Variants in CDC25B observed in about 807,000 individuals in gnomAD.
The protein encoded by CDC25B is M-phase inducer phosphatase 2.
CDC25B carries 33 observed loss-of-function variants against 69.8 expected under a neutral mutation model. The ratio of observed to expected loss-of-function variants is 0.47; its 90% CI spans 0.36 to 0.63. CDC25B has a LOEUF of 0.63. Among genes scored for constraint, CDC25B ranks in the 30% least tolerant of loss-of-function variants. The pLI is 0.00. For synonymous variants in CDC25B, 341 were observed against 314.6 expected (o/e 1.08, Z -0.89); for missense variants, 727 against 809.1 (o/e 0.90, Z 1.23).
intron 11 of CDC25B, 49 bp from the exon 12 acceptor site, chr20:3,802,861 T>TA: frequency 6.8e-7 from 1 of 1,463,170 alleles, no homozygotes; most frequent in Non-Finnish European, 9.6e-7. Context: ...CTCCTGGTCT[T>TA]ACCAATTTAA....
At chr20:3,802,649 C>T (rs1051131261) in intron 11 of CDC25B, 7 of 600,694 alleles carry the variant, frequency 1.2e-5, no homozygotes, top group South Asian at 2.0e-5. Flanking sequence ...GCCTCACCTT[C>T]GGGCTTGGCA....
At chr20:3,800,233 G>GAC (rs144845504) in intron 3 of CDC25B, 55 bp from the exon 4 acceptor site, 13 of 1,574,300 alleles carry the variant, frequency 8.3e-6, no homozygotes, top group East Asian at 2.2e-5. Flanking sequence ...TGGTGCTGGG[G>GAC]TGGGTGATGG....
chr20:3,804,940 T>C lies in CDC25B; in HGVS notation c.1722T>C (p.Cys574=). 1.2e-6 allele frequency: 2 copies of C among 1,613,174 alleles called. No individual in the cohort carries two copies. Among genetic ancestry groups the C allele is most frequent in the Non-Finnish European group, 1.7e-6 (2 of 1,179,998 alleles). Reference sequence around the variant, plus strand: ...GGGAGCGGAGCCGGCGGGAGCTCTGTAGCCGGCTGCAGGACCAGTGAGGGG... The same window carrying C: ...GGGAGCGGAGCCGGCGGGAGCTCTGCAGCCGGCTGCAGGACCAGTGAGGGG... ...WAGERSRREL[C]SRLQDQ The change falls in exon 16 of 16, where the codon TGT becomes TGC. Residue 574 remains cysteine, a synonymous_variant. Transcript: ENST00000245960.
chr20:3,799,513 T>TGC (rs2089189508), intron 3 of CDC25B, among the ~76,000 whole-genome samples: 1 of 113,882 alleles, frequency 8.8e-6, no homozygotes, highest in African/African-American at 3.2e-5. Flanking sequence ...TGTGTGTGTG[T>TGC]GTGTGTGTGT....
At chr20:3,797,421 T>C (rs2089098183) in intron 1 of CDC25B, among the ~76,000 whole-genome samples, 1 of 152,180 alleles carries the variant, frequency 6.6e-6, no homozygotes, top group Admixed American at 6.5e-5. Flanking sequence ...CCTAAACCAG[T>C]CAACGAAGAG....
rs148860963 is a variant in CDC25B at position 3,790,036 on chromosome 20, T to C, written c.8+2897T>C. ...GCATAGTGCCTTGCGCCTGTAGTCC[T>C]AGCTCCTAGGGAGGCTGGGGTGGGC... On this transcript the variant is annotated intron_variant, in intron 1 of 15. Coordinates refer to the CDC25B transcript ENST00000344256. Among the ~76,000 whole-genome samples the C allele has an allele frequency of 2.0e-3, 306 of 151,886 alleles. 1 individual carries two copies. The highest frequency in any genetic ancestry group is 4.9e-3 in the Admixed American group (75 of 15,266).
rs895721277 is a variant in CDC25B, at chr20:3,797,696, G to A, written c.275G>A (p.Arg92Gln). The A allele has an allele frequency of 5.6e-6, 9 of 1,613,968 alleles. No homozygotes were observed. The highest frequency in any genetic ancestry group is 2.2e-5 in the South Asian group (2 of 91,078). ...RSRLTHLSLSRRASESSLSSE... is the reference protein window; with the variant it reads ...RSRLTHLSLSQRASESSLSSE... ...CGCCTGACGCACCTATCCCTGTCTC[G>A]ACGGGCATCCGAATCCTCCCTGTCG... Residue 92 changes from arginine (R) to glutamine (Q), a missense_variant, in exon 2 of 16, where the codon CGA becomes CAA. By Grantham distance (43) the Arg-to-Gln change is conservative (BLOSUM62 1). This residue lies in a region of CDC25B where 368 missense variants were observed against 345.6 expected (regional missense o/e 1.06). Transcript: ENST00000245960.
At chr20:3,791,274 A>G (rs1373414273) in intron 1 of CDC25B, among the ~76,000 whole-genome samples, 1 of 152,194 alleles carries the variant, frequency 6.6e-6, no homozygotes, top group African/African-American at 2.4e-5. Flanking sequence ...GTCTTGAACC[A>G]AAGTTCTGGG....
At chr20:3,790,106 T>C (rs1181544479) in intron 1 of CDC25B, among the ~76,000 whole-genome samples, 1 of 151,872 alleles carries the variant, frequency 6.6e-6, no homozygotes, top group East Asian at 1.9e-4. Context: ...CAATGAACTA[T>C]GATTGCACCA....
At position 3,796,417 on chromosome 20, in the gene CDC25B, TTCC is replaced by T; in HGVS notation, c.-114_-112del. Reference sequence around the variant, plus strand: ...CCTGTGGCTCTTCCTCCCTCCCTCCTTCCCCCCCCCCCCACCCCTCGCCCGCTG... The same window carrying T: ...CCTGTGGCTCTTCCTCCCTCCCTCCTCCCCCCCCCCACCCCTCGCCCGCTG... On this transcript the variant is annotated 5_prime_UTR_variant, in exon 1 of 16. Transcript: ENST00000245960. 1 of 144,420 alleles carries T rather than the reference TTCC, an allele frequency of 6.9e-6. No homozygotes were observed. Among genetic ancestry groups the T allele is most frequent in the African/African-American group, 2.9e-4 (1 of 3,418 alleles). 8.9% of individuals were successfully genotyped at this position (144,420 alleles called of 1,614,324 possible). A position where few individuals can be genotyped will look rare whatever the true frequency, so the allele number is the denominator to read the frequency against.
chr20:3,798,376 C>A, intron 2 of CDC25B, 36 bp from the exon 3 acceptor site: 2 of 1,225,902 alleles, frequency 1.6e-6, no homozygotes, highest in Non-Finnish European at 2.2e-6. Context: ...ACAGAAAGTG[C>A]CACTACTTTC....
In CDC25B at chr20:3,797,660, G is replaced by A. The variant is rs76772959; in HGVS notation, c.239G>A (p.Arg80His). 1.5e-5 allele frequency: 25 copies of A among 1,613,910 alleles called. No homozygotes were observed. The highest frequency in any genetic ancestry group is 6.7e-5 in the African/African-American group (5 of 74,918). Reference protein sequence around the residue: ...PKSQVGTLLFRSRSRLTHLSL... With the variant: ...PKSQVGTLLFHSRSRLTHLSL... ...AGTCAGGTAGGGACCCTGCTCTTCCGCAGCCGCAGCCGCCTGACGCACCTA... is the reference window on the plus strand; with the variant it reads ...AGTCAGGTAGGGACCCTGCTCTTCCACAGCCGCAGCCGCCTGACGCACCTA... The change falls in exon 2 of 16, where the codon CGC (arginine) becomes CAC (histidine). Residue 80 changes from arginine (R) to histidine (H), a missense_variant. Physicochemically the swap from Arg to His is conservative, Grantham distance 29. Coordinates refer to ENST00000245960, the MANE Select transcript of CDC25B (RefSeq NM_021873.4).
At chr20:3,800,440 C>CT (rs1229394611) in intron 4 of CDC25B, 22 bp from the exon 5 acceptor site, 4 of 1,614,074 alleles carry the variant, frequency 2.5e-6, no homozygotes, top group Non-Finnish European at 3.4e-6. Flanking sequence ...CAGCTCTCAC[C>CT]TGTCCCCATT....
rs2089380701 is a variant in CDC25B at position 3,803,887 on chromosome 20, A to G, written c.1490+350A>G. ...TGTTCAGTGCTGTTAGGTCTCCATT[A>G]GAACCTCTTCCATTGGCATCCACAG... On this transcript the variant is annotated intron_variant, in intron 14 of 15. Transcript: ENST00000245960. This position sits in a 1 kb window ranked among gnomAD's most constrained non-coding sequence, Gnocchi z 4.9. 1.3e-5 allele frequency among the ~76,000 whole-genome samples: 2 copies of G among 152,188 alleles called. No homozygotes were observed. Among genetic ancestry groups the G allele is most frequent in the African/African-American group, 4.8e-5 (2 of 41,436 alleles).
chr20:3,790,918 C>A (rs1600375666), intron 1 of CDC25B, among the ~76,000 whole-genome samples: 1 of 152,208 alleles, frequency 6.6e-6, no homozygotes, highest in East Asian at 1.9e-4. Flanking sequence ...GTTGCCCAGG[C>A]TGGTCTCGAA....
intron 5 of CDC25B, 50 bp downstream of exon 5, chr20:3,800,548 G>A: frequency 3.7e-6 from 6 of 1,605,394 alleles, no homozygotes; most frequent in Non-Finnish European, 5.1e-6. Context: ...AGCCAGGCAT[G>A]GGGTAGATGA....
upstream of CDC25B, among the ~76,000 whole-genome samples, chr20:3,793,559 T>G (rs978294648): frequency 1.3e-4 from 18 of 141,880 alleles, no homozygotes; most frequent in South Asian, 6.6e-4. Context: ...TTTTTTTTTT[T>G]TTGGTTTTAG....
chr20:3,798,825 C>T (rs2089160497), intron 3 of CDC25B, among the ~76,000 whole-genome samples: 1 of 152,190 alleles, frequency 6.6e-6, no homozygotes, highest in Non-Finnish European at 1.5e-5. Context: ...TGAAATATTA[C>T]AATTTAAAAA....
At chr20:3,794,773 C>G (rs974362531), upstream of CDC25B, among the ~76,000 whole-genome samples, 1 of 152,144 alleles carries the variant, frequency 6.6e-6, no homozygotes, top group African/African-American at 2.4e-5. Flanking sequence ...GGGGTCTTCC[C>G]CTACCCTTCA....
Sources: gnomAD v4.1 joint callset for allele counts (sites outside exome capture counted in the v4.1 genomes callset) on GRCh38, gnomAD v4.1.1 for gene constraint, gnomAD v4.1.1 regional missense constraint, Gnocchi (gnomAD v3.1) non-coding constraint, MANE v1.5 for transcripts, NCBI Gene and HGNC (gene_info 2026-07-23, HGNC 2026-07-21) for gene names.